DPY19L4: variants seen among roughly 807,000 people sequenced by gnomAD.
DPY19L4 encodes probable C-mannosyltransferase DPY19L4.
In DPY19L4, 97 loss-of-function variants were observed where a neutral mutation model predicts 102.8. That is an observed-to-expected ratio of 0.94 (90% CI 0.80 to 1.12). The LOEUF (loss-of-function observed/expected upper bound fraction) is 1.12. Ranked by LOEUF, DPY19L4 falls within the 50% of genes most tolerant of loss-of-function variation. The pLI, the probability that DPY19L4 is intolerant of heterozygous loss-of-function variation, is 0.00. For missense variants in DPY19L4, 815 were observed against 850.4 expected (o/e 0.96, Z 0.52); for synonymous variants, 252 against 283.1 (o/e 0.89, Z 1.10).
chr8:94,732,164 T>A (rs967695134), intron 2 of DPY19L4, among the ~76,000 whole-genome samples: 2 of 152,182 alleles, frequency 1.3e-5, no homozygotes, highest in Non-Finnish European at 2.9e-5. Flanking sequence ...AACTGCAACA[T>A]GCTATGCAAA....
intron 13 of DPY19L4, among the ~76,000 whole-genome samples, chr8:94,776,235 TGTTGCCCAG>T (rs1005030530): frequency 1.3e-5 from 2 of 152,028 alleles, no homozygotes; most frequent in Non-Finnish European, 2.9e-5. Context: ...GGTTTCACCG[TGTTGCCCAG>T]GCTGGTCTGA....
intron 1 of DPY19L4, among the ~76,000 whole-genome samples, chr8:94,720,738 C>CA (rs1041988788): frequency 2.6e-5 from 4 of 151,818 alleles, no homozygotes; most frequent in African/African-American, 7.3e-5. Context: ...AAGTATGAGA[C>CA]AAAAATGGGA....
At chr8:94,764,693 A>C (rs759274359) in intron 8 of DPY19L4, among the ~76,000 whole-genome samples, 12 of 34,764 alleles carry the variant, frequency 3.5e-4, no homozygotes, top group African/African-American at 1.2e-3. Flanking sequence ...GTGTGTGTAT[A>C]TATATATATA....
chr8:94,763,808 G>T (rs546411919), intron 8 of DPY19L4, among the ~76,000 whole-genome samples: 45 of 152,130 alleles, frequency 3.0e-4, no homozygotes, highest in African/African-American at 1.0e-3. Context: ...GATTACAGGC[G>T]TGAGCCACTG....
chr8:94,740,614 C>T (rs962313276), intron 6 of DPY19L4, among the ~76,000 whole-genome samples: 6 of 151,990 alleles, frequency 3.9e-5, no homozygotes, highest in African/African-American at 1.5e-4. Flanking sequence ...GCCACCAAAC[C>T]CGGCTAATTT....
chr8:94,726,263 A>T, intron 1 of DPY19L4, 68 bp from the exon 2 acceptor site: 1 of 1,275,984 alleles, frequency 7.8e-7, no homozygotes, highest in Non-Finnish European at 1.1e-6. Context: ...AATAAAGGTT[A>T]ATTGGCTCAG....
In DPY19L4 at chr8:94,741,192, A is replaced by G. The variant is rs139707627; in HGVS notation, c.611+1402A>G. Among the ~76,000 whole-genome samples, 283 of 152,282 alleles carry G rather than the reference A, an allele frequency of 1.9e-3. 1 individual carries two copies. The highest frequency in any genetic ancestry group is 6.5e-3 in the African/African-American group (270 of 41,560). ...AATTGATCAACCCCTAGTGAAGCTG[A>G]GATTGACTACTGGTTTGGGGGAATG... On this transcript the variant is annotated intron_variant, in intron 6 of 18. Coordinates refer to ENST00000414645, the MANE Select transcript of DPY19L4 (RefSeq NM_181787.3).
intron 3 of DPY19L4, among the ~76,000 whole-genome samples, chr8:94,737,578 T>C (rs1811240648): frequency 6.6e-6 from 1 of 151,872 alleles, no homozygotes; most frequent in African/African-American, 2.4e-5. Context: ...GGTCAGGAGA[T>C]TGAGACCATC....
intron 18 of DPY19L4, among the ~76,000 whole-genome samples, chr8:94,788,651 GCA>G (rs200653053): frequency 1.3e-5 from 2 of 150,738 alleles, no homozygotes; most frequent in African/African-American, 2.5e-5. Flanking sequence ...ACGCGCGCGC[GCA>G]TGTGTCTTCC....
intron 13 of DPY19L4, among the ~76,000 whole-genome samples, chr8:94,772,264 A>T (rs1812969747): frequency 6.6e-6 from 1 of 152,180 alleles, no homozygotes; most frequent in African/African-American, 2.4e-5. Context: ...CAGTCTAGGA[A>T]TGTGTGCTTG....
In DPY19L4 at chr8:94,793,374, G is replaced by A. The variant is rs1476578187; in HGVS notation, c.*3464G>A. 6.6e-6 allele frequency: 1 copy of A among 152,096 alleles called. No homozygotes were observed. 9.4% of individuals were successfully genotyped at this position (152,096 alleles called of 1,614,324 possible). A position where few individuals can be genotyped will look rare whatever the true frequency, so the allele number is the denominator to read the frequency against. Reference sequence around the variant, plus strand: ...GTTAAAAAATTTTGATGCTTTTCGTGGATAAAAGTAGTGCCTCTCTTTATA... The same window carrying A: ...GTTAAAAAATTTTGATGCTTTTCGTAGATAAAAGTAGTGCCTCTCTTTATA... On this transcript the variant is annotated 3_prime_UTR_variant, in exon 19 of 19. Transcript: ENST00000414645.
rs1413847908 is a variant in DPY19L4 at position 94,739,537 on chromosome 8, A to T, written c.465+3A>T. ...TATATCAAGCCACTGGTAGCAATGT[A>T]TGTATTTTTCGTTGGACCCTAATAT... On this transcript the variant is annotated splice_donor_region_variant and intron_variant, in intron 5 of 18. Transcript: ENST00000414645. The T allele has an allele frequency of 8.8e-6, 14 of 1,599,142 alleles. No individual in the cohort carries two copies. Among genetic ancestry groups the T allele is most frequent in the Non-Finnish European group, 1.2e-5 (14 of 1,175,854 alleles).
intron 13 of DPY19L4, among the ~76,000 whole-genome samples, chr8:94,774,649 C>T (rs1813090627): frequency 6.7e-6 from 1 of 149,856 alleles, no homozygotes; most frequent in South Asian, 2.1e-4. Context: ...GTGATCTTGG[C>T]TCACCGCAAC....
At chr8:94,781,600 C>T (rs1354867394) in intron 16 of DPY19L4, among the ~76,000 whole-genome samples, 1 of 152,002 alleles carries the variant, frequency 6.6e-6, no homozygotes, top group Non-Finnish European at 1.5e-5. Flanking sequence ...AATTGAGAAC[C>T]CCCCAACACA....
At chr8:94,749,737 A>C (rs1811836025) in intron 6 of DPY19L4, among the ~76,000 whole-genome samples, 1 of 152,144 alleles carries the variant, frequency 6.6e-6, no homozygotes, top group African/African-American at 2.4e-5. Flanking sequence ...TACACATACA[A>C]ACATTTAACC....
intron 11 of DPY19L4, among the ~76,000 whole-genome samples, chr8:94,767,218 C>T (rs1048462371): frequency 1.3e-5 from 2 of 151,928 alleles, no homozygotes; most frequent in African/African-American, 4.8e-5. Flanking sequence ...TCTTTTCCCA[C>T]GGCTAGGGAT....
At chr8:94,788,459 T>G (rs1020955801) in intron 18 of DPY19L4, among the ~76,000 whole-genome samples, 8 of 152,314 alleles carry the variant, frequency 5.3e-5, no homozygotes, top group African/African-American at 1.7e-4. Flanking sequence ...TTGATTCATA[T>G]CTAGAAAAAT....
intron 6 of DPY19L4, chr8:94,744,723 C>T: frequency 2.8e-6 from 1 of 358,050 alleles, no homozygotes; most frequent in Non-Finnish European, 5.5e-6. Flanking sequence ...GAATAAGACT[C>T]TCTTTAGAGA....
At chr8:94,767,399 T>G (rs1223065150) in intron 11 of DPY19L4, among the ~76,000 whole-genome samples, 1 of 151,452 alleles carries the variant, frequency 6.6e-6, no homozygotes, top group Non-Finnish European at 1.5e-5. Flanking sequence ...GTTCATGCTA[T>G]TCTCCTGCCT....
Sources: allele counts gnomAD v4.1 joint callset (sites outside exome capture counted in the v4.1 genomes callset), GRCh38; gene constraint gnomAD v4.1.1; transcripts MANE v1.5; gene names NCBI Gene and HGNC (gene_info 2026-07-23, HGNC 2026-07-21).